The following PPP2R1A variants were observed in gnomAD, a reference collection of about 807,000 sequenced individuals.
The protein encoded by PPP2R1A is serine/threonine-protein phosphatase 2A 65 kDa regulatory subunit A alpha isoform.
A neutral mutation model predicts 67.1 loss-of-function variants in PPP2R1A; 15 were observed. The observed-to-expected ratio is 0.22, with a 90% CI of 0.15 to 0.34. The LOEUF is 0.34. PPP2R1A is among the 10% of genes least tolerant of loss of function. The pLI is 1.00. For missense variants in PPP2R1A, 369 were observed against 775.0 expected, an observed-to-expected ratio of 0.48 and a Z score of 6.22; for synonymous variants, 337 against 325.0, an observed-to-expected ratio of 1.04 and a Z score of -0.40.
At chr19:52,217,460 A>C (rs1055278809) in intron 9 of PPP2R1A, among the ~76,000 whole-genome samples, 1 of 152,152 alleles carries the variant, frequency 6.6e-6, no homozygotes, top group Non-Finnish European at 1.5e-5. Flanking sequence ...TTGGCCTCCA[A>C]AGGCCTGGGA....
In PPP2R1A at chr19:52,204,769, T is replaced by C. The variant is rs529314100; in HGVS notation, c.170-1194T>C. Among the ~76,000 whole-genome samples the C allele has an allele frequency of 5.9e-5, 9 of 152,280 alleles. No homozygotes were observed. The South Asian group carries it at 1.9e-3, about 32-fold the overall frequency. The stretch of plus-strand genomic sequence containing the variant: ...AGTCACATTGGCGAGAATTTATTTA[T>C]TGAAGGAAGAGGCAGAGATACTAAC... On this transcript the variant is annotated intron_variant, in intron 2 of 14. Coordinates refer to ENST00000322088, the MANE Select transcript of PPP2R1A (RefSeq NM_014225.6).
rs991329716 is a variant in PPP2R1A at position 52,213,441 on chromosome 19, G to T, written c.807+331G>T. 6.7e-6 allele frequency among the ~76,000 whole-genome samples: 1 copy of T among 148,534 alleles called. No homozygotes were observed. Among genetic ancestry groups the T allele is most frequent in the Admixed American group, 6.8e-5 (1 of 14,802 alleles). On this transcript the variant is annotated intron_variant, in intron 6 of 14. Transcript: ENST00000322088. The surrounding 1 kb of genome is among the most constrained non-coding windows in gnomAD (Gnocchi z 4.2). ...CACAAAGGGGAAGACAGCCCAAAAAGGTGGGGTTTTTTGGTGTTTTTTTTT... is the reference window on the plus strand; with the variant it reads ...CACAAAGGGGAAGACAGCCCAAAAATGTGGGGTTTTTTGGTGTTTTTTTTT...
At position 52,219,552 on chromosome 19, in the gene PPP2R1A, C is replaced by T. The variant is rs1978790187; in HGVS notation, c.1129-139C>T. 1.2e-6 allele frequency: 1 copy of T among 828,174 alleles called. No homozygotes were observed. Among genetic ancestry groups the T allele is most frequent in the Non-Finnish European group, 1.8e-6 (1 of 555,156 alleles). The allele number at this position is 828,174 out of a possible 1,614,324, so 51.3% of individuals were successfully genotyped here. The stretch of plus-strand genomic sequence containing the variant: ...TTTTTGTGTGCCGTTAATGTGTTCC[C>T]AGAACGGGGAGCTGGGCTTGGACAG... On this transcript the variant is annotated intron_variant, in intron 9 of 14. Coordinates refer to ENST00000322088, the MANE Select transcript of PPP2R1A (RefSeq NM_014225.6). The surrounding 1 kb of genome is among the most constrained non-coding windows in gnomAD (Gnocchi z 4.0).
At chr19:52,225,509 A>G (rs1400472478) in intron 13 of PPP2R1A, among the ~76,000 whole-genome samples, 1 of 152,120 alleles carries the variant, frequency 6.6e-6, no homozygotes, top group Non-Finnish European at 1.5e-5. Context: ...AATATGCAAA[A>G]TGTTATTATT....
chr19:52,191,473 C>T (rs565870467), intron 1 of PPP2R1A: 2 of 152,288 alleles, frequency 1.3e-5, no homozygotes, highest in East Asian at 3.9e-4. Flanking sequence ...AGGTCCCATC[C>T]TCCCTTTAGG....
In PPP2R1A at chr19:52,215,882, A is replaced by G; in HGVS notation, c.911A>G (p.His304Arg). 6.2e-7 allele frequency: 1 copy of G among 1,614,056 alleles called. No individual in the cohort carries two copies. The highest frequency in any genetic ancestry group is 2.2e-5 in the East Asian group (1 of 44,880). The change falls in exon 7 of 15, where the codon CAC becomes CGC. Residue 304 changes from histidine to arginine, a missense_variant. His to Arg is a conservative substitution (Grantham distance 29, BLOSUM62 0). Around this residue, in one of 2 missense-constraint regions of PPP2R1A, gnomAD observed 276 missense variants for 508.4 expected, o/e 0.54. Coordinates refer to ENST00000322088, the MANE Select transcript of PPP2R1A (RefSeq NM_014225.6). The part of the protein sequence containing the change: ...CEAEVRAAAS[H>R]KVKEFCENLS... ...GCCGAGGTGAGGGCCGCAGCCTCCC[A>G]CAAGGTCAAAGGTTGGTGCTGGCAG... is the stretch of plus-strand genomic sequence containing the variant.
At chr19:52,209,605 T>C (rs2089644297) in intron 3 of PPP2R1A, among the ~76,000 whole-genome samples, 1 of 152,212 alleles carries the variant, frequency 6.6e-6, no homozygotes, top group South Asian at 2.1e-4. Context: ...GCAGCCATTA[T>C]CACCCTCCAT....
Position 52,228,667 on chromosome 19 carries a change from C to T in PPP2R1A, c.*2686C>T, listed in dbSNP as rs912224355. ...GGACTCATGACCCTGGCCTGTTTCT[C>T]CCGCTCTCTAGGCCTAAATCCCAGC... On this transcript the variant is annotated 3_prime_UTR_variant, in exon 15 of 15. Coordinates refer to ENST00000322088, the MANE Select transcript of PPP2R1A (RefSeq NM_014225.6). 2 of 152,216 alleles carry T rather than the reference C, an allele frequency of 1.3e-5. No individual in the cohort carries two copies. The highest frequency in any genetic ancestry group is 3.9e-4 in the East Asian group (2 of 5,192). 9.4% of individuals were successfully genotyped at this position (152,216 alleles called of 1,614,324 possible).
chr19:52,220,854 T>G (rs1978875082), intron 11 of PPP2R1A, 125 bp from the exon 12 acceptor site: 1 of 1,148,588 alleles, frequency 8.7e-7, no homozygotes, highest in East Asian at 2.4e-5. Flanking sequence ...TTTTCTCTCT[T>G]TGGCTCACAT....
intron 1 of PPP2R1A, among the ~76,000 whole-genome samples, chr19:52,199,349 A>G (rs894383857): frequency 4.0e-5 from 6 of 151,896 alleles, no homozygotes; most frequent in African/African-American, 9.7e-5. Flanking sequence ...TTTTGTATTT[A>G]TGGTAGAGAC....
At chr19:52,190,321 C>T (rs1008997474) in intron 1 of PPP2R1A, 147 bp downstream of exon 1, 2 of 981,418 alleles carry the variant, frequency 2.0e-6, no homozygotes, top group African/African-American at 1.6e-5. Flanking sequence ...CCCGGTTGCC[C>T]GGACTCCTTG....
At chr19:52,190,454 G>A (rs577488691) in intron 1 of PPP2R1A, among the ~76,000 whole-genome samples, 158 of 152,340 alleles carry the variant, frequency 1.0e-3, no homozygotes, top group Non-Finnish European at 1.7e-3. Flanking sequence ...GGCCAGGGCT[G>A]GGGTCTGCGG....
intron 1 of PPP2R1A, among the ~76,000 whole-genome samples, chr19:52,198,282 T>A (rs1568586471): frequency 6.6e-6 from 1 of 152,144 alleles, no homozygotes; most frequent in African/African-American, 2.4e-5. Context: ...TTCTCAAGCA[T>A]TGATGATGCT....
chr19:52,214,237 AGGAGAGAGGGCAGGGTGGGATC>A (rs557284316), intron 6 of PPP2R1A, among the ~76,000 whole-genome samples: 68 of 152,150 alleles, frequency 4.5e-4, no homozygotes, highest in African/African-American at 1.4e-3. Flanking sequence ...GAGAGAAAGC[AGGAGAGAGGGCAGGGTGGGATC>A]GGAGAGAGGG....
chr19:52,220,338 G>A (rs1978840489), intron 11 of PPP2R1A, 89 bp downstream of exon 11: 1 of 1,410,440 alleles, frequency 7.1e-7, no homozygotes, highest in Non-Finnish European at 1.0e-6. Flanking sequence ...CAGTGGAGGA[G>A]GCTAGAGTCA....
chr19:52,221,821 A>G (rs1374185557), intron 12 of PPP2R1A, among the ~76,000 whole-genome samples: 1 of 152,234 alleles, frequency 6.6e-6, no homozygotes, highest in East Asian at 1.9e-4. Flanking sequence ...TTCCCACGCC[A>G]CTCTCTGGAG....
In PPP2R1A at chr19:52,208,293, C is replaced by T. The variant is rs572038853; in HGVS notation, c.270+2230C>T. On this transcript the variant is annotated intron_variant, in intron 3 of 14. Transcript: ENST00000322088. ...AGGTGATTCTCCTGCCTCAGCCTCA[C>T]GAGTAGCTGAGATTACAGGCGTGTG... Among the ~76,000 whole-genome samples the T allele has an allele frequency of 9.7e-4, 148 of 152,052 alleles. 1 individual carries two copies. Among genetic ancestry groups the T allele is most frequent in the Non-Finnish European group, 1.8e-3 (124 of 67,994 alleles).
rs2122337665 is a variant in PPP2R1A at position 52,212,982 on chromosome 19, G to A, written c.679G>A (p.Ala227Thr). Residue 227 changes from alanine to threonine, a missense_variant, in exon 6 of 15, where the codon GCG (alanine) becomes ACG (threonine). By Grantham distance (58) the Ala-to-Thr change is moderately conservative. This residue lies in a region of PPP2R1A where 276 missense variants were observed against 508.4 expected (regional missense o/e 0.54). Coordinates refer to ENST00000322088, the MANE Select transcript of PPP2R1A (RefSeq NM_014225.6). This position sits in a 1 kb window ranked among gnomAD's most constrained non-coding sequence, Gnocchi z 4.1. ...QDSVRLLAVE[A>T]CVNIAQLLPQ... ...CTCGGTGCGGCTGCTGGCGGTGGAGGCGTGCGTGAACATCGCCCAGCTTCT... is the reference window on the plus strand; with the variant it reads ...CTCGGTGCGGCTGCTGGCGGTGGAGACGTGCGTGAACATCGCCCAGCTTCT... 1 of 1,607,540 alleles carries A rather than the reference G, an allele frequency of 6.2e-7. No individual in the cohort carries two copies. The highest frequency in any genetic ancestry group is 8.5e-7 in the Non-Finnish European group (1 of 1,177,048).
Position 52,216,153 on chromosome 19 carries a change from TAGTC to T in PPP2R1A, c.993+82_993+85del. 11 of 1,491,804 alleles carry T rather than the reference TAGTC, an allele frequency of 7.4e-6. No homozygotes were observed. The South Asian group carries it at 9.2e-5, about 12-fold the overall frequency. The allele number at this position is 1,491,804 out of a possible 1,614,324, so 92.4% of individuals were successfully genotyped here. A position where few individuals can be genotyped will look rare whatever the true frequency, so the allele number is the denominator to read the frequency against. On this transcript the variant is annotated intron_variant, in intron 8 of 14. Coordinates refer to ENST00000322088, the MANE Select transcript of PPP2R1A (RefSeq NM_014225.6). The surrounding 1 kb of genome is among the most constrained non-coding windows in gnomAD (Gnocchi z 4.3). ...GGGGCTGGAGACAAGGCTTTGGGGA[TAGTC>T]AGCTGCAAACTAGGTTCCCAGCCCT...
Sources: allele counts gnomAD v4.1 joint callset (sites outside exome capture counted in the v4.1 genomes callset), GRCh38; gene constraint gnomAD v4.1.1; regional missense constraint gnomAD v4.1.1; non-coding constraint Gnocchi (gnomAD v3.1); transcripts MANE v1.5; gene names NCBI Gene and HGNC (gene_info 2026-07-23, HGNC 2026-07-21).